The following NFIB variants were observed in gnomAD, a reference collection of about 807,000 sequenced individuals.
NFIB encodes the protein nuclear factor 1 B-type.
In NFIB, 11 loss-of-function variants were observed where a neutral mutation model predicts 61.5. That is an observed-to-expected ratio of 0.18 (90% CI 0.11 to 0.30). NFIB has a LOEUF of 0.30. Among genes scored for constraint, NFIB ranks in the 10% least tolerant of loss-of-function variants. The pLI is 1.00. For synonymous variants in NFIB, 260 were observed against 216.5 expected (o/e 1.20, Z -1.76); for missense variants, 471 against 608.9 (o/e 0.77, Z 2.38).
At chr9:14,199,965 G>A (rs1419545119) in intron 2 of NFIB, among the ~76,000 whole-genome samples, 4 of 152,110 alleles carry the variant, frequency 2.6e-5, no homozygotes, top group African/African-American at 7.2e-5. Flanking sequence ...AGGGAATCAC[G>A]CAGGGAGAAC....
intron 1 of NFIB, among the ~76,000 whole-genome samples, chr9:14,344,391 T>C (rs2060993730): frequency 6.7e-6 from 1 of 148,450 alleles, no homozygotes; most frequent in African/African-American, 2.5e-5. Flanking sequence ...TTGCTGTGTC[T>C]AGTCTATTGT....
At chr9:14,438,032 G>A in the NFIB span, among the ~76,000 whole-genome samples, 8 of 151,608 alleles carry the variant, frequency 5.3e-5, no homozygotes, top group South Asian at 4.2e-4. Flanking sequence ...GTGTGTGTGC[G>A]CGTATGTGCG....
chr9:14,303,614 G>T (rs758884241), intron 2 of NFIB, among the ~76,000 whole-genome samples: 1 of 152,174 alleles, frequency 6.6e-6, no homozygotes, highest in African/African-American at 2.4e-5. Context: ...CTTTCATTCA[G>T]GGATTGTCAA....
intron 1 of NFIB, among the ~76,000 whole-genome samples, chr9:14,394,433 T>G (rs1195646352): frequency 6.6e-6 from 1 of 152,122 alleles, no homozygotes; most frequent in Non-Finnish European, 1.5e-5. Context: ...GGATGCCTCA[T>G]AATAATGGTG....
intron 1 of NFIB, among the ~76,000 whole-genome samples, chr9:14,335,933 T>TC (rs1049955357): frequency 1.3e-5 from 2 of 152,234 alleles, no homozygotes; most frequent in African/African-American, 4.8e-5. Flanking sequence ...AAGACTTTTT[T>TC]CCCCCACTGA....
At chr9:14,281,460 G>A (rs1030607260) in intron 2 of NFIB, among the ~76,000 whole-genome samples, 2 of 152,088 alleles carry the variant, frequency 1.3e-5, no homozygotes, top group African/African-American at 2.4e-5. Flanking sequence ...CAAAATTTAA[G>A]TAACAATTAT....
intron 10 of NFIB, among the ~76,000 whole-genome samples, chr9:14,111,656 T>C (rs879529927): frequency 1.3e-5 from 2 of 152,156 alleles, no homozygotes; most frequent in Non-Finnish European, 2.9e-5. Context: ...TTTCGTGTTA[T>C]AACAATTTTA....
chr9:14,396,324 C>A (rs183876446), intron 1 of NFIB, among the ~76,000 whole-genome samples: 2 of 152,040 alleles, frequency 1.3e-5, no homozygotes, highest in South Asian at 2.1e-4. Context: ...TTATGAGATC[C>A]CAGCTATTGT....
At chr9:14,440,648 T>C in the NFIB span, among the ~76,000 whole-genome samples, 1 of 152,210 alleles carries the variant, frequency 6.6e-6, no homozygotes, top group South Asian at 2.1e-4. Flanking sequence ...CAAAAATACA[T>C]GAAAATACTA....
rs1396900563 is a variant in NFIB, at chr9:14,103,815, C to CATAT, written c.1467+9180_1467+9183dup. Among the ~76,000 whole-genome samples, 5 of 152,010 alleles carry CATAT rather than the reference C, an allele frequency of 3.3e-5. No individual in the cohort carries two copies. The East Asian group carries it at 7.7e-4, about 23-fold the overall frequency. ...TTAAAGAACTGAAAAAAATTCCCTG[C>CATAT]ATATACATAGATAGATCAACAGATT... On this transcript the variant is annotated intron_variant, in intron 10 of 10. Transcript: ENST00000380953.
At chr9:14,499,518 C>A in the NFIB span, among the ~76,000 whole-genome samples, 1 of 152,160 alleles carries the variant, frequency 6.6e-6, no homozygotes, top group Non-Finnish European at 1.5e-5. Context: ...ACTGACTGGT[C>A]CCTAACATTG....
At chr9:14,459,282 C>G in the NFIB span, among the ~76,000 whole-genome samples, 1 of 152,118 alleles carries the variant, frequency 6.6e-6, no homozygotes, top group South Asian at 2.1e-4. Flanking sequence ...TTCTCTATTT[C>G]GTAAATGGTG....
the NFIB span, among the ~76,000 whole-genome samples, chr9:14,476,249 T>TA: frequency 2.1e-3 from 320 of 151,640 alleles, no homozygotes; most frequent in African/African-American, 7.2e-3. Flanking sequence ...GCTTTTTGTT[T>TA]TTTTTTTTTT....
intron 2 of NFIB, among the ~76,000 whole-genome samples, chr9:14,281,074 G>T (rs1162099064): frequency 6.6e-6 from 1 of 152,048 alleles, no homozygotes; most frequent in Non-Finnish European, 1.5e-5. Flanking sequence ...CCTCTCAAAT[G>T]GTTGTGAGAG....
At chr9:14,204,795 T>A (rs10810115) in intron 2 of NFIB, 233,783 of 506,076 alleles carry the variant, frequency 0.46, 56,014 homozygotes, top group Middle Eastern at 0.52. Flanking sequence ...TACTGCAATA[T>A]CAAGGGGAAG....
chr9:14,468,239 T>C, the NFIB span, among the ~76,000 whole-genome samples: 5 of 152,204 alleles, frequency 3.3e-5, no homozygotes, highest in Non-Finnish European at 7.3e-5. Context: ...GAAGAGTGAA[T>C]GAATATAGAG....
chr9:14,502,523 A>T, the NFIB span, among the ~76,000 whole-genome samples: 1 of 152,176 alleles, frequency 6.6e-6, no homozygotes, highest in African/African-American at 2.4e-5. Context: ...ACTGGATTCC[A>T]CTTGTCAAGA....
chr9:14,098,766 T>C (rs1432215872), intron 10 of NFIB, among the ~76,000 whole-genome samples: 5 of 152,206 alleles, frequency 3.3e-5, no homozygotes, highest in Non-Finnish European at 7.3e-5. Context: ...GGCAGAAAAA[T>C]TGACTCTCTC....
intron 2 of NFIB, among the ~76,000 whole-genome samples, chr9:14,207,395 C>A (rs1181975196): frequency 6.6e-6 from 1 of 151,538 alleles, no homozygotes; most frequent in Non-Finnish European, 1.5e-5. Context: ...AAAAGCCTCC[C>A]TTGAGTGGAG....
Sources: allele counts gnomAD v4.1 joint callset (sites outside exome capture counted in the v4.1 genomes callset), GRCh38; gene constraint gnomAD v4.1.1; transcripts MANE v1.5; gene names NCBI Gene and HGNC (gene_info 2026-07-23, HGNC 2026-07-21).